Variants in FAM163B observed in about 807,000 individuals in gnomAD.
FAM163B encodes the protein family with sequence similarity 163 member B.
FAM163B carries 4 observed loss-of-function variants against 7.6 expected under a neutral mutation model. That is an observed-to-expected ratio of 0.52 (90% CI 0.26 to 1.20). The LOEUF (loss-of-function observed/expected upper bound fraction) is 1.20. FAM163B is among the 50% of genes most tolerant of loss of function. The pLI is 0.14. For synonymous variants in FAM163B, 120 were observed against 111.6 expected, an observed-to-expected ratio of 1.07 and a Z score of -0.47; for missense variants, 250 against 243.0, an observed-to-expected ratio of 1.03 and a Z score of -0.19.
At chr9:133,595,489 C>T (rs565429897) in intron 1 of FAM163B, among the ~76,000 whole-genome samples, 3 of 152,316 alleles carry the variant, frequency 2.0e-5, no homozygotes, top group East Asian at 1.9e-4. Flanking sequence ...GCTGCTGGTG[C>T]GGCATCCTCG....
Position 133,590,075 on chromosome 9 carries a change from TC to T in FAM163B, c.-23-9830del, listed in dbSNP as rs1564193459. On this transcript the variant is annotated intron_variant, in intron 1 of 2. Transcript: ENST00000673969. Reference sequence around the variant, plus strand: ...CCCTTCCCTTCCCTTCCCCTTCCCTTCCCCTTCCCCTTCCCTTCCCCTTCCC... The same window carrying T: ...CCCTTCCCTTCCCTTCCCCTTCCCTTCCCTTCCCCTTCCCTTCCCCTTCCC... Among the ~76,000 whole-genome samples, 19 of 24,502 alleles carry T rather than the reference TC, an allele frequency of 7.8e-4. 1 individual carries two copies. The highest frequency in any genetic ancestry group is 2.9e-3 in the African/African-American group (17 of 5,912). 16.1% of individuals were successfully genotyped at this position (24,502 alleles called of 152,430 possible).
rs1424613267 is a variant in FAM163B at position 133,600,443 on chromosome 9, C to T, written c.-24+8634G>A. Among the ~76,000 whole-genome samples, 2 of 152,192 alleles carry T rather than the reference C, an allele frequency of 1.3e-5. No individual in the cohort carries two copies. Among genetic ancestry groups the T allele is most frequent in the African/African-American group, 2.4e-5 (1 of 41,436 alleles). On this transcript the variant is annotated intron_variant, in intron 1 of 2. Transcript: ENST00000673969. The surrounding 1 kb of genome is among the most constrained non-coding windows in gnomAD (Gnocchi z 4.9). ...CCCTGTTTCCCTGTGGTGCCACCCACTCTCAGTTTAGTGGAGCCCAGGTCA... is the reference window on the plus strand; with the variant it reads ...CCCTGTTTCCCTGTGGTGCCACCCATTCTCAGTTTAGTGGAGCCCAGGTCA...
chr9:133,590,385 C>G (rs1831534234), intron 1 of FAM163B, among the ~76,000 whole-genome samples: 2 of 152,034 alleles, frequency 1.3e-5, no homozygotes, highest in African/African-American at 4.8e-5. Context: ...ACGACCAGAG[C>G]TCTCGTTTAG....
intron 1 of FAM163B, among the ~76,000 whole-genome samples, chr9:133,593,177 G>A (rs1178360897): frequency 6.6e-6 from 1 of 152,218 alleles, no homozygotes; most frequent in Non-Finnish European, 1.5e-5. Context: ...CCATTCTGCA[G>A]ATGAGCAAAC....
At chr9:133,580,025 C>T in intron 2 of FAM163B, 106 bp downstream of exon 2, 2 of 927,770 alleles carry the variant, frequency 2.2e-6, no homozygotes, top group Non-Finnish European at 3.3e-6. Context: ...CTCTTCCCCA[C>T]TTCCCGGGCC....
At position 133,599,786 on chromosome 9, in the gene FAM163B, G is replaced by A. The variant is rs1032809314; in HGVS notation, c.-24+9291C>T. Among the ~76,000 whole-genome samples, 7 of 151,694 alleles carry A rather than the reference G, an allele frequency of 4.6e-5. No individual in the cohort carries two copies. In the East Asian group the frequency reaches 1.2e-3, roughly 25 times the overall value. ...CAAGTGTGTTTTTGTCTGTGCGTGT[G>A]TGTGCATGTGATCTGTGTGCATGTG... On this transcript the variant is annotated intron_variant, in intron 1 of 2. Transcript: ENST00000673969.
intron 1 of FAM163B, among the ~76,000 whole-genome samples, chr9:133,591,312 T>C (rs757532408): frequency 4.2e-4 from 64 of 152,362 alleles, no homozygotes; most frequent in South Asian, 1.0e-3. Context: ...AACCAGGTGC[T>C]GTTCCGGATG....
Position 133,595,067 on chromosome 9 carries a change from C to T in FAM163B, c.-24+14010G>A, listed in dbSNP as rs114212695. Among the ~76,000 whole-genome samples the T allele has an allele frequency of 3.0e-3, 452 of 152,350 alleles. 5 individuals are homozygous for T. The highest frequency in any genetic ancestry group is 0.01 in the African/African-American group (427 of 41,566). On this transcript the variant is annotated intron_variant, in intron 1 of 2. Coordinates refer to ENST00000673969, the MANE Select transcript of FAM163B (RefSeq NM_001080515.3). ...GTGCTGCTCCTTCCTCTCCAAAACA[C>T]TTTCCAGGTCAGTCTTCCTCACATT...
intron 1 of FAM163B, among the ~76,000 whole-genome samples, chr9:133,581,946 A>G (rs1831362673): frequency 1.3e-5 from 2 of 152,238 alleles, no homozygotes; most frequent in South Asian, 4.1e-4. Context: ...TAGGAGTTAC[A>G]AAGTAGTGAC....
chr9:133,596,667 C>T (rs1331838071), intron 1 of FAM163B, among the ~76,000 whole-genome samples: 1 of 152,150 alleles, frequency 6.6e-6, no homozygotes, highest in Non-Finnish European at 1.5e-5. Flanking sequence ...AGATGATAGC[C>T]CAAGGAGGCC....
intron 1 of FAM163B, among the ~76,000 whole-genome samples, chr9:133,591,307 G>C (rs1831548727): frequency 6.6e-6 from 1 of 152,250 alleles, no homozygotes; most frequent in Non-Finnish European, 1.5e-5. Flanking sequence ...CCAGGAACCA[G>C]GTGCTGTTCC....
At position 133,579,319 on chromosome 9, in the gene FAM163B, G is replaced by A. The variant is rs747365538; in HGVS notation, c.204C>T (p.Asn68=). The A allele has an allele frequency of 1.0e-3, 1,673 of 1,613,642 alleles. 4 individuals are homozygous for A. The highest frequency in any genetic ancestry group is 4.4e-3 in the East Asian group (196 of 44,880). Residue 68 remains asparagine (N), a synonymous_variant, in exon 3 of 3, where the codon AAC becomes AAT. Transcript: ENST00000673969. Reference sequence around the variant, plus strand: ...AGGCGGTGGGGTAGAGCGCCGGCCCGTTGGTCAGCACCAGGTTGCGGTTGG... The same window carrying A: ...AGGCGGTGGGGTAGAGCGCCGGCCCATTGGTCAGCACCAGGTTGCGGTTGG... ...LHSNRNLVLT[N]GPALYPTAST...
chr9:133,602,618 A>G (rs1490175956), intron 1 of FAM163B, among the ~76,000 whole-genome samples: 3 of 152,124 alleles, frequency 2.0e-5, no homozygotes, highest in Admixed American at 6.5e-5. Flanking sequence ...TTTTTTAAAT[A>G]GAGATCTGTT....
At chr9:133,585,621 T>C (rs1831424036) in intron 1 of FAM163B, among the ~76,000 whole-genome samples, 1 of 152,246 alleles carries the variant, frequency 6.6e-6, no homozygotes, top group Non-Finnish European at 1.5e-5. Context: ...CCGTGCCCTC[T>C]GGCTCATCCA....
At position 133,579,351 on chromosome 9, in the gene FAM163B, G is replaced by T. The variant is rs1391015794; in HGVS notation, c.172C>A (p.Leu58Met). 2.0e-5 allele frequency: 32 copies of T among 1,613,172 alleles called. No homozygotes were observed. The Admixed American group carries it at 4.8e-4, about 24-fold the overall frequency. Reference protein sequence around the residue: ...DFAVHSHLPPLHSNRNLVLTN... With the variant: ...DFAVHSHLPPMHSNRNLVLTN... ...AGCACCAGGTTGCGGTTGGAGTGCA[G>T]CGGGGGCAGGTGCGAGTGAACGGCG... The change falls in exon 3 of 3, where the codon CTG becomes ATG. Residue 58 changes from leucine (L) to methionine (M), a missense_variant. Physicochemically the swap from Leu to Met is conservative, Grantham distance 15. Coordinates refer to ENST00000673969, the MANE Select transcript of FAM163B (RefSeq NM_001080515.3).
chr9:133,593,973 C>T (rs1402392837), intron 1 of FAM163B, among the ~76,000 whole-genome samples: 1 of 152,230 alleles, frequency 6.6e-6, no homozygotes, highest in Non-Finnish European at 1.5e-5. Context: ...GGGGCTGGCT[C>T]TCAGTGAGAG....
chr9:133,593,307 G>A (rs1435717947), intron 1 of FAM163B, among the ~76,000 whole-genome samples: 2 of 152,148 alleles, frequency 1.3e-5, no homozygotes, highest in Non-Finnish European at 2.9e-5. Context: ...GTTTCCTCCT[G>A]TATCTCATCT....
chr9:133,607,747 A>G (rs1187978287), intron 1 of FAM163B, among the ~76,000 whole-genome samples: 1 of 152,222 alleles, frequency 6.6e-6, no homozygotes, highest in African/African-American at 2.4e-5. Context: ...GCAGATGCTC[A>G]ACAAACTGCC....
At chr9:133,599,699 CTGTGCATGTGTGAGCA>C (rs1478979113) in intron 1 of FAM163B, among the ~76,000 whole-genome samples, 1 of 147,158 alleles carries the variant, frequency 6.8e-6, no homozygotes, top group South Asian at 2.2e-4. Flanking sequence ...GCATGTGTAT[CTGTGCATGTGTGAGCA>C]TGTGCATGTG....
Sources: allele counts gnomAD v4.1 joint callset (sites outside exome capture counted in the v4.1 genomes callset), GRCh38; gene constraint gnomAD v4.1.1; non-coding constraint Gnocchi (gnomAD v3.1); transcripts MANE v1.5; gene names NCBI Gene and HGNC (gene_info 2026-07-23, HGNC 2026-07-21).